The following LUZP1 variants were observed in gnomAD, a reference collection of about 807,000 sequenced individuals.
LUZP1 encodes leucine zipper protein 1.
LUZP1 carries 25 observed loss-of-function variants against 71.3 expected under a neutral mutation model. That is an observed-to-expected ratio of 0.35 (90% CI 0.26 to 0.49). LUZP1 has a LOEUF of 0.49. LUZP1 is among the 20% of genes least tolerant of loss of function. LUZP1 has a pLI of 0.99. For synonymous variants in LUZP1, 481 were observed against 506.4 expected (o/e 0.95, Z 0.67); for missense variants, 1,142 against 1,300.8 (o/e 0.88, Z 1.88).
chr1:23,164,312 G>A (rs1008191311), intron 2 of LUZP1, among the ~76,000 whole-genome samples: 4 of 152,104 alleles, frequency 2.6e-5, no homozygotes, highest in Admixed American at 2.0e-4. Flanking sequence ...TGGCTAACGC[G>A]GTGAAATGCC....
At chr1:23,125,411 T>C (rs754542385) in intron 2 of LUZP1, among the ~76,000 whole-genome samples, 1 of 152,214 alleles carries the variant, frequency 6.6e-6, no homozygotes, top group Non-Finnish European at 1.5e-5. Flanking sequence ...AAGTAAATCA[T>C]ATACTTTCTC....
chr1:23,151,917 G>A lies in LUZP1; in HGVS notation c.-226+16849C>T, dbSNP rs550231822. 4.6e-5 allele frequency among the ~76,000 whole-genome samples: 7 copies of A among 151,160 alleles called. No individual in the cohort carries two copies. The East Asian group carries it at 1.4e-3, about 29-fold the overall frequency. ...CTCGGGAGGCTGAGGCAGGAGAATC[G>A]CTTGAACCCAGGAGGCGGAGGTTGC... On this transcript the variant is annotated intron_variant, in intron 2 of 4. Coordinates refer to ENST00000302291, the Ensembl canonical transcript of LUZP1.
intron 3 of LUZP1, among the ~76,000 whole-genome samples, chr1:23,106,356 G>A (rs1004767789): frequency 1.1e-4 from 17 of 152,054 alleles, no homozygotes; most frequent in East Asian, 1.9e-4. Context: ...TAATCCTAGC[G>A]CACTTTGGGA....
intron 2 of LUZP1, among the ~76,000 whole-genome samples, chr1:23,117,476 T>TCCC (rs370868213): frequency 2.5e-5 from 1 of 39,682 alleles, no homozygotes; most frequent in Non-Finnish European, 3.8e-5. Context: ...TCTCTCTCTC[T>TCCC]CCCCCCCCCC....
intron 3 of LUZP1, among the ~76,000 whole-genome samples, chr1:23,100,316 G>A (rs1426881548): frequency 6.6e-6 from 1 of 152,166 alleles, no homozygotes. Flanking sequence ...CCTAATCATG[G>A]ATTACAAAGG....
chr1:23,168,494 C>G (rs911667644), intron 2 of LUZP1, among the ~76,000 whole-genome samples: 1 of 151,214 alleles, frequency 6.6e-6, no homozygotes, highest in African/African-American at 2.4e-5. Flanking sequence ...CTTCCCTCCC[C>G]CTCCCGAGGA....
At chr1:23,119,039 C>T (rs902553783) in intron 2 of LUZP1, among the ~76,000 whole-genome samples, 3 of 152,146 alleles carry the variant, frequency 2.0e-5, no homozygotes, top group Non-Finnish European at 2.9e-5. Context: ...GGTAGGTTGT[C>T]CTATGTTGTT....
chr1:23,122,449 A>G (rs1198070092), intron 2 of LUZP1, among the ~76,000 whole-genome samples: 1 of 152,220 alleles, frequency 6.6e-6, no homozygotes, highest in Non-Finnish European at 1.5e-5. Context: ...TGCTCAGACC[A>G]GCAGCATGCA....
rs1226844237 is a variant in LUZP1 at position 23,110,461 on chromosome 1, A to G, written c.-225-1334T>C. Among the ~76,000 whole-genome samples the G allele has an allele frequency of 2.0e-5, 3 of 152,270 alleles. No homozygotes were observed. In the South Asian group the frequency reaches 6.3e-4, roughly 32 times the overall value. ...ACCTAAAGCTTTTGTACATGATCTT[A>G]CAAACTATCCTCCCTTCTTTCATCA... On this transcript the variant is annotated intron_variant, in intron 2 of 4. Transcript: ENST00000302291.
At chr1:23,123,924 CT>C (rs1222992175) in intron 2 of LUZP1, among the ~76,000 whole-genome samples, 1 of 152,100 alleles carries the variant, frequency 6.6e-6, no homozygotes, top group African/African-American at 2.4e-5. Flanking sequence ...TCAAAGTAGT[CT>C]TTTCTCATTC....
chr1:23,160,322 G>A lies in LUZP1; in HGVS notation c.-226+8444C>T, dbSNP rs539735440. ...TGCTTTGTTGACATCAAAATAAAATGTTAGTCAACAGAAAATTCAAATAAA... is the reference window on the plus strand; with the variant it reads ...TGCTTTGTTGACATCAAAATAAAATATTAGTCAACAGAAAATTCAAATAAA... On this transcript the variant is annotated intron_variant, in intron 2 of 4. Coordinates refer to ENST00000302291, the Ensembl canonical transcript of LUZP1. Among the ~76,000 whole-genome samples, 6 of 152,226 alleles carry A rather than the reference G, an allele frequency of 3.9e-5. No individual in the cohort carries two copies. In the South Asian group the frequency reaches 8.3e-4, roughly 21 times the overall value.
intron 1 of LUZP1, among the ~76,000 whole-genome samples, chr1:23,170,000 A>AC: frequency 6.6e-6 from 1 of 150,960 alleles, no homozygotes; most frequent in Admixed American, 6.6e-5. Flanking sequence ...ACACACACAC[A>AC]AAGTTTATCC....
chr1:23,145,468 CTTT>C (rs869293750), intron 2 of LUZP1, among the ~76,000 whole-genome samples: 7 of 135,108 alleles, frequency 5.2e-5, no homozygotes, highest in Admixed American at 7.6e-5. Context: ...CTATTAATCT[CTTT>C]TTTTTTTTTT....
chr1:23,085,065 C>T (rs962320108), exon 5 of LUZP1: 1 of 151,230 alleles, frequency 6.6e-6, no homozygotes, highest in African/African-American at 2.4e-5. Flanking sequence ...TCCAATGATA[C>T]ACATGCACCC....
At chr1:23,144,846 T>C (rs1423107189) in intron 2 of LUZP1, among the ~76,000 whole-genome samples, 1 of 152,132 alleles carries the variant, frequency 6.6e-6, no homozygotes, top group Admixed American at 6.6e-5. Context: ...GGTTAAGGAA[T>C]GTTTTAAATT....
chr1:23,145,170 T>C (rs1644332345), intron 2 of LUZP1, among the ~76,000 whole-genome samples: 1 of 152,162 alleles, frequency 6.6e-6, no homozygotes, highest in South Asian at 2.1e-4. Flanking sequence ...CCCAAAGTGC[T>C]GGGCTTACAG....
chr1:23,130,567 T>C (rs1238242385), intron 2 of LUZP1, among the ~76,000 whole-genome samples: 3 of 143,742 alleles, frequency 2.1e-5, no homozygotes, highest in East Asian at 4.2e-4. Flanking sequence ...TCTCACTATA[T>C]AGCCCAGTAT....
chr1:23,145,670 G>A (rs894771633), intron 2 of LUZP1, among the ~76,000 whole-genome samples: 5 of 151,476 alleles, frequency 3.3e-5, no homozygotes, highest in African/African-American at 4.9e-5. Context: ...GGGTTTCATC[G>A]TTATTGGTCA....
Position 23,173,125 on chromosome 1 carries a change from C to T in LUZP1, c.-484-4101G>A, listed in dbSNP as rs556245473. 1.3e-3 allele frequency among the ~76,000 whole-genome samples: 202 copies of T among 151,384 alleles called. 2 individuals are homozygous for T. The highest frequency in any genetic ancestry group is 4.7e-3 in the African/African-American group (193 of 41,406). ...TGTGAGCCACCGCCAGGCATGGTGG[C>T]TCACACCTGTGGTCCTAGTTACTCA... On this transcript the variant is annotated intron_variant, in intron 1 of 4. Coordinates refer to ENST00000302291, the Ensembl canonical transcript of LUZP1.
Sources: gnomAD v4.1 joint callset for allele counts (sites outside exome capture counted in the v4.1 genomes callset) on GRCh38, gnomAD v4.1.1 for gene constraint, MANE v1.5 for transcripts, NCBI Gene and HGNC (gene_info 2026-07-23, HGNC 2026-07-21) for gene names.